Variants in TMCO6 observed in about 807,000 individuals in gnomAD.
The protein encoded by TMCO6 is transmembrane and coiled-coil domain-containing protein 6.
Under a neutral mutation model 61.8 loss-of-function variants are expected in TMCO6, and 47 were observed. The observed-to-expected ratio is 0.76, with a 90% confidence interval of 0.60 to 0.97. The LOEUF (loss-of-function observed/expected upper bound fraction) is 0.97, where lower values mean the gene tolerates loss of function less well. Ranked by LOEUF, TMCO6 falls within the 50% of genes least tolerant of loss-of-function variation. The probability of loss-of-function intolerance (pLI) is 0.00; values close to 1 mark genes in which losing one functional copy is unlikely to be tolerated. For synonymous variants in TMCO6, 261 were observed against 254.2 expected (o/e 1.03, Z -0.25); for missense variants, 557 against 601.6 (o/e 0.93, Z 0.78).
At chr5:140,647,098 G>C (rs1757446614), downstream of TMCO6, 1 of 825,088 alleles carries the variant, frequency 1.2e-6, no homozygotes. Context: ...ATATAACCCT[G>C]CGAATATAAA....
chr5:140,616,823 G>C, the TMCO6 span, among the ~76,000 whole-genome samples: 1 of 150,442 alleles, frequency 6.6e-6, no homozygotes, highest in Non-Finnish European at 1.5e-5. Flanking sequence ...AGGCAAGTAG[G>C]TCATTTGAGC....
downstream of TMCO6, chr5:140,645,859 G>T (rs1757364498): frequency 1.1e-5 from 13 of 1,137,490 alleles, 1 homozygote; most frequent in East Asian, 3.3e-4. Context: ...CATCTAGGAA[G>T]CCCAAGTCCA....
chr5:140,644,330 T>G, intron 10 of TMCO6, 136 bp downstream of exon 10: 1 of 1,021,300 alleles, frequency 9.8e-7, no homozygotes. Context: ...CCAATCTAGG[T>G]GTGTGTCCCT....
the TMCO6 span, among the ~76,000 whole-genome samples, chr5:140,599,961 C>G: frequency 1.3e-5 from 2 of 151,604 alleles, no homozygotes; most frequent in Non-Finnish European, 2.9e-5. Flanking sequence ...AATCTGGCAG[C>G]TCCTCAGGTG....
the TMCO6 span, among the ~76,000 whole-genome samples, chr5:140,601,798 C>T: frequency 1.3e-5 from 2 of 152,322 alleles, no homozygotes; most frequent in African/African-American, 4.8e-5. Flanking sequence ...TGTTTTAAGA[C>T]TTCTAGGAGA....
At chr5:140,598,677 G>A in the TMCO6 span, among the ~76,000 whole-genome samples, 2 of 152,188 alleles carry the variant, frequency 1.3e-5, no homozygotes, top group African/African-American at 2.4e-5. Context: ...GCTTACGCCC[G>A]TAATCCCAGC....
chr5:140,647,147 C>G (rs1297062114), downstream of TMCO6: 6 of 1,199,494 alleles, frequency 5.0e-6, no homozygotes, highest in African/African-American at 7.7e-5. Flanking sequence ...AGGCTAAAGT[C>G]CGAGTTCTAG....
rs547270239 is a variant in TMCO6, at chr5:140,645,332, C to A, written c.*234C>A. On this transcript the variant is annotated 3_prime_UTR_variant, in exon 12 of 12. Coordinates refer to ENST00000394671, the MANE Select transcript of TMCO6 (RefSeq NM_018502.5). ...TGGGGCCCTAGAATCCCTGCCCCCCCGCCACCCTTCATGTTTGCTTCAGCA... is the reference window on the plus strand; with the variant it reads ...TGGGGCCCTAGAATCCCTGCCCCCCAGCCACCCTTCATGTTTGCTTCAGCA... 8.6e-5 allele frequency: 63 copies of A among 734,002 alleles called. No homozygotes were observed. Among genetic ancestry groups the A allele is most frequent in the African/African-American group, 8.0e-4 (46 of 57,458 alleles). 45.5% of individuals were successfully genotyped at this position (734,002 alleles called of 1,614,324 possible).
chr5:140,621,336 T>A, the TMCO6 span, among the ~76,000 whole-genome samples: 4 of 152,164 alleles, frequency 2.6e-5, no homozygotes, highest in African/African-American at 4.8e-5. Flanking sequence ...CATTTATTAG[T>A]TCCCCAAATT....
downstream of TMCO6, chr5:140,647,388 C>A (rs764517073): frequency 1.9e-6 from 3 of 1,611,018 alleles, no homozygotes; most frequent in African/African-American, 4.0e-5. Flanking sequence ...GAGCGCCGCG[C>A]GTGCTGTGGG....
At chr5:140,632,543 C>T in the TMCO6 span, 2 of 1,614,170 alleles carry the variant, frequency 1.2e-6, no homozygotes, top group Non-Finnish European at 1.7e-6. This position sits in a 1 kb window ranked among gnomAD's most constrained non-coding sequence, Gnocchi z 6.2. Context: ...TGCGTAGGCG[C>T]AAGCTGGAAA....
At chr5:140,621,831 G>C in the TMCO6 span, among the ~76,000 whole-genome samples, 9 of 152,148 alleles carry the variant, frequency 5.9e-5, no homozygotes, top group Non-Finnish European at 1.2e-4. Context: ...GAGGCTGTAG[G>C]AGTGAAATAG....
At chr5:140,631,139 G>C in the TMCO6 span, among the ~76,000 whole-genome samples, 1 of 152,214 alleles carries the variant, frequency 6.6e-6, no homozygotes, top group African/African-American at 2.4e-5. Context: ...GAGACCGACT[G>C]TATCTTGCGT....
At chr5:140,632,331 G>A in the TMCO6 span, 3 of 1,614,078 alleles carry the variant, frequency 1.9e-6, no homozygotes, top group Non-Finnish European at 2.5e-6. The surrounding 1 kb of genome is among the most constrained non-coding windows in gnomAD (Gnocchi z 6.2). Context: ...GAACTTGTGG[G>A]GACAGAGAGC....
the TMCO6 span, among the ~76,000 whole-genome samples, chr5:140,608,039 C>T: frequency 1.3e-5 from 2 of 152,196 alleles, no homozygotes; most frequent in African/African-American, 4.8e-5. Context: ...ATCTGCCCGC[C>T]TCGGCCTCTC....
At chr5:140,609,593 T>C in the TMCO6 span, among the ~76,000 whole-genome samples, 1 of 145,366 alleles carries the variant, frequency 6.9e-6, no homozygotes, top group Non-Finnish European at 1.5e-5. Context: ...GCAACAGGCA[T>C]AGAAGCAAGT....
At chr5:140,603,457 G>A in the TMCO6 span, among the ~76,000 whole-genome samples, 14 of 152,062 alleles carry the variant, frequency 9.2e-5, no homozygotes, top group African/African-American at 2.9e-4. Flanking sequence ...ACAGGTGCTC[G>A]TCACCACACT....
downstream of TMCO6, among the ~76,000 whole-genome samples, chr5:140,646,683 G>A (rs974734532): frequency 2.0e-5 from 3 of 152,162 alleles, no homozygotes; most frequent in Admixed American, 2.0e-4. Flanking sequence ...TCTTAGAGGG[G>A]TAAGTGCATT....
upstream of TMCO6, among the ~76,000 whole-genome samples, chr5:140,637,351 C>T (rs1461169157): frequency 1.3e-5 from 2 of 152,150 alleles, no homozygotes; most frequent in Non-Finnish European, 2.9e-5. Flanking sequence ...TGGCACTCCA[C>T]ATTTGGTGAA....
Sources: allele counts gnomAD v4.1 joint callset (sites outside exome capture counted in the v4.1 genomes callset), GRCh38; gene constraint gnomAD v4.1.1; non-coding constraint Gnocchi (gnomAD v3.1); transcripts MANE v1.5; gene names NCBI Gene and HGNC (gene_info 2026-07-23, HGNC 2026-07-21).